Variants in ANKS1A observed in about 807,000 individuals in gnomAD.
The protein encoded by ANKS1A is ankyrin repeat and sterile alpha motif domain containing 1A, also known as ankyrin repeat and SAM domain-containing protein 1A.
In ANKS1A, 55 loss-of-function variants were observed where a neutral mutation model predicts 120.3. That is an observed-to-expected ratio of 0.46 (90% CI 0.37 to 0.57). ANKS1A has a LOEUF of 0.57. Ranked by LOEUF, ANKS1A falls within the 20% of genes least tolerant of loss-of-function variation. The pLI is 0.00. For missense variants in ANKS1A, 1,123 were observed against 1,480.3 expected (o/e 0.76, Z 3.96); for synonymous variants, 590 against 604.7 (o/e 0.98, Z 0.36).
intron 10 of ANKS1A, among the ~76,000 whole-genome samples, chr6:35,011,132 T>C (rs1773738502): frequency 6.6e-6 from 1 of 152,226 alleles, no homozygotes; most frequent in African/African-American, 2.4e-5. Flanking sequence ...ATGCTTGGCA[T>C]AGTGTCTGGC....
In ANKS1A at chr6:35,089,738, GT is replaced by G. The variant is rs1778202030; in HGVS notation, c.*1134del. On this transcript the variant is annotated 3_prime_UTR_variant, in exon 24 of 24. Coordinates refer to ENST00000360359, the MANE Select transcript of ANKS1A (RefSeq NM_015245.3). Reference sequence around the variant, plus strand: ...CTTAAGCTTTCCTGCTGCTCGCTTTGTTTTTAAAAGTAACTTGGGTTGCATT... The same window carrying G: ...CTTAAGCTTTCCTGCTGCTCGCTTTGTTTTAAAAGTAACTTGGGTTGCATT... 3.0e-5 allele frequency: 30 copies of G among 996,480 alleles called. No individual in the cohort carries two copies. The South Asian group carries it at 1.2e-3, about 41-fold the overall frequency. The allele number at this position is 996,480 out of a possible 1,614,324, so 61.7% of individuals were successfully genotyped here.
chr6:34,983,172 C>G lies in ANKS1A; in HGVS notation c.868C>G (p.Leu290Val). The change falls in exon 6 of 24, where the codon CTG (leucine) becomes GTG (valine). Residue 290 changes from leucine to valine, a missense_variant. Leu to Val is a conservative substitution (Grantham distance 32). Coordinates refer to ENST00000360359, the MANE Select transcript of ANKS1A (RefSeq NM_015245.3). ...GACTGCCCTAGACACTGTTCGGGAA[C>G]TGCCTTCTCAAAAGAGCCAGCAAAT... is the stretch of plus-strand genomic sequence containing the variant. ...GLTALDTVRELPSQKSQQIAA... is the reference protein window; with the variant it reads ...GLTALDTVREVPSQKSQQIAA... 3 of 1,614,192 alleles carry G rather than the reference C, an allele frequency of 1.9e-6. No homozygotes were observed. The highest frequency in any genetic ancestry group is 2.5e-6 in the Non-Finnish European group (3 of 1,180,036).
intron 11 of ANKS1A, among the ~76,000 whole-genome samples, chr6:35,022,650 G>T (rs947190289): frequency 7.2e-5 from 11 of 152,146 alleles, no homozygotes; most frequent in Non-Finnish European, 1.6e-4. Context: ...TTGTCTTAAT[G>T]ATGCTTGGGA....
rs757159968 is a variant in ANKS1A, at chr6:34,932,170, T to TTTTTG, written c.198-35054_198-35050dup. Among the ~76,000 whole-genome samples the TTTTTG allele has an allele frequency of 3.9e-4, 59 of 152,194 alleles. No homozygotes were observed. The Middle Eastern group carries it at 0.01, about 26-fold the overall frequency. ...AATTTTTCTCTTTTAACCATATTGG[T>TTTTTG]TTTTGTTTTGTTTTGTTTTTGTTTT... On this transcript the variant is annotated intron_variant, in intron 1 of 23. Transcript: ENST00000360359.
At chr6:35,040,058 C>T (rs1031746387) in intron 11 of ANKS1A, among the ~76,000 whole-genome samples, 4 of 152,226 alleles carry the variant, frequency 2.6e-5, no homozygotes, top group Non-Finnish European at 5.9e-5. Flanking sequence ...GGCCCCATCT[C>T]CAGATACCTT....
At chr6:35,074,096 G>T (rs376527757) in intron 13 of ANKS1A, among the ~76,000 whole-genome samples, 1 of 152,268 alleles carries the variant, frequency 6.6e-6, no homozygotes, top group Non-Finnish European at 1.5e-5. Context: ...TTAGCAAAGG[G>T]CCTGTCTCCG....
intron 1 of ANKS1A, among the ~76,000 whole-genome samples, chr6:34,938,366 A>T (rs1414349572): frequency 1.3e-5 from 2 of 152,146 alleles, no homozygotes; most frequent in Non-Finnish European, 2.9e-5. Context: ...TGAGGAATGG[A>T]GTGAAATTGC....
chr6:35,088,352 G>C (rs1778106291), intron 23 of ANKS1A, among the ~76,000 whole-genome samples: 1 of 152,182 alleles, frequency 6.6e-6, no homozygotes, highest in Non-Finnish European at 1.5e-5. Flanking sequence ...AGTCGGCCAG[G>C]GCAGTCAAAA....
chr6:35,035,658 A>C lies in ANKS1A; in HGVS notation c.2010+17599A>C, dbSNP rs562553269. Among the ~76,000 whole-genome samples, 19 of 152,340 alleles carry C rather than the reference A, an allele frequency of 1.2e-4. No individual in the cohort carries two copies. In the South Asian group the frequency reaches 3.5e-3, roughly 28 times the overall value. ...TGAGTTCTACCTCAAGGCTGGCTGCAAACTGCTCAGAGGTTGCCAACCTGG... is the reference window on the plus strand; with the variant it reads ...TGAGTTCTACCTCAAGGCTGGCTGCCAACTGCTCAGAGGTTGCCAACCTGG... On this transcript the variant is annotated intron_variant, in intron 11 of 23. Transcript: ENST00000360359.
chr6:35,060,045 T>C lies in ANKS1A; in HGVS notation c.2078-102T>C. ...ATATAGTTTGGCTGTTTGATGGTAA[T>C]GACTATGATGTGGCAATGCCATCTA... On this transcript the variant is annotated intron_variant, in intron 12 of 23. Coordinates refer to ENST00000360359, the MANE Select transcript of ANKS1A (RefSeq NM_015245.3). The surrounding 1 kb of genome is among the most constrained non-coding windows in gnomAD (Gnocchi z 4.5). 1 of 891,724 alleles carries C rather than the reference T, an allele frequency of 1.1e-6. No individual in the cohort carries two copies. The highest frequency in any genetic ancestry group is 1.8e-6 in the Non-Finnish European group (1 of 558,292). The allele number at this position is 891,724 out of a possible 1,614,324, so 55.2% of individuals were successfully genotyped here.
intron 1 of ANKS1A, among the ~76,000 whole-genome samples, chr6:34,907,545 T>C (rs1013665688): frequency 4.6e-4 from 70 of 152,198 alleles, no homozygotes; most frequent in African/African-American, 1.7e-3. Flanking sequence ...TGCATGTAAG[T>C]GGACCCAAGC....
intron 1 of ANKS1A, among the ~76,000 whole-genome samples, chr6:34,915,986 CTTTTTTTTTTTTT>C (rs202041070): frequency 2.9e-5 from 3 of 104,568 alleles, no homozygotes; most frequent in Non-Finnish European, 5.7e-5. Flanking sequence ...ATGTCTGGAT[CTTTTTTTTTTTTT>C]TTTTTTTTTT....
At chr6:34,976,956 T>C (rs1771632259) in intron 3 of ANKS1A, among the ~76,000 whole-genome samples, 1 of 152,212 alleles carries the variant, frequency 6.6e-6, no homozygotes. Context: ...ATACATTTAT[T>C]ACATTTGGAA....
At chr6:35,010,702 G>A (rs899953478) in intron 10 of ANKS1A, among the ~76,000 whole-genome samples, 5 of 152,144 alleles carry the variant, frequency 3.3e-5, no homozygotes, top group African/African-American at 1.2e-4. Flanking sequence ...TAGAAAAAGG[G>A]TTAGGCAGTT....
rs377285370 is a variant in ANKS1A, at chr6:35,083,241, T to C, written c.2907+15T>C. 8.1e-6 allele frequency: 13 copies of C among 1,613,820 alleles called. No individual in the cohort carries two copies. In the African/African-American group the frequency reaches 1.3e-4, roughly 17 times the overall value. On this transcript the variant is annotated intron_variant, in intron 19 of 23. Transcript: ENST00000360359. ...CCAAGATGCGGGTAGGGTGCCTGTG[T>C]GGGCTGGAGGGCGCTGTGGGACTGG...
At chr6:35,000,360 A>T (rs377153981) in intron 10 of ANKS1A, among the ~76,000 whole-genome samples, 215 of 152,306 alleles carry the variant, frequency 1.4e-3, no homozygotes, top group African/African-American at 5.0e-3. Context: ...TTTTCAACAA[A>T]AGTAAAGTTT....
At chr6:35,019,847 C>A (rs573142364) in intron 11 of ANKS1A, among the ~76,000 whole-genome samples, 46 of 151,850 alleles carry the variant, frequency 3.0e-4, no homozygotes, top group Non-Finnish European at 5.2e-4. Flanking sequence ...TTTAAAAAAT[C>A]AGTGGGTGGG....
In ANKS1A at chr6:35,055,334, T is replaced by A. The variant is rs77123355; in HGVS notation, c.2077+1169T>A. ...TGAATAAGTAGTAGATAAAAAAAAA[T>A]TTTTTTTTTTTTTGAGACGGAGTCT... On this transcript the variant is annotated intron_variant, in intron 12 of 23. Transcript: ENST00000360359. 1.5e-3 allele frequency among the ~76,000 whole-genome samples: 218 copies of A among 148,138 alleles called. 1 individual carries two copies. The highest frequency in any genetic ancestry group is 0.013 in the East Asian group (68 of 5,128).
At chr6:34,946,225 C>A (rs993001191) in intron 1 of ANKS1A, among the ~76,000 whole-genome samples, 40 of 151,882 alleles carry the variant, frequency 2.6e-4, no homozygotes, top group African/African-American at 8.5e-4. Context: ...AGATTATCCA[C>A]CTGCCTTGGA....
Sources: allele counts gnomAD v4.1 joint callset (sites outside exome capture counted in the v4.1 genomes callset), GRCh38; gene constraint gnomAD v4.1.1; non-coding constraint Gnocchi (gnomAD v3.1); transcripts MANE v1.5; gene names NCBI Gene and HGNC (gene_info 2026-07-23, HGNC 2026-07-21).